Variants in HTT observed in about 807,000 individuals in gnomAD.
HTT encodes the protein huntingtin.
Under a neutral mutation model 362.3 loss-of-function variants are expected in HTT, and 104 were observed. That is an observed-to-expected ratio of 0.29 (90% CI 0.24 to 0.34). The LOEUF (loss-of-function observed/expected upper bound fraction) is 0.34. Ranked by LOEUF, HTT falls within the 10% of genes least tolerant of loss-of-function variation. HTT has a pLI of 1.00. For missense variants in HTT, 3,301 were observed against 3,928.6 expected (o/e 0.84, Z 4.27); for synonymous variants, 1,577 against 1,548.7 (o/e 1.02, Z -0.43).
chr4:3,119,474 G>T (rs1038928704), intron 8 of HTT, among the ~76,000 whole-genome samples: 7 of 152,092 alleles, frequency 4.6e-5, no homozygotes, highest in Non-Finnish European at 1.0e-4. Context: ...CTGAGTCTAG[G>T]TTATTGTGAC....
At chr4:3,129,559 T>C (rs1305776271) in intron 12 of HTT, 5 of 202,454 alleles carry the variant, frequency 2.5e-5, no homozygotes, top group Admixed American at 5.3e-5. Flanking sequence ...TAACCTGTTA[T>C]ATTGTTAGGT....
rs1346669777 is a variant in HTT at position 3,223,436 on chromosome 4, C to T, written c.7501C>T (p.Leu2501=). Residue 2501 remains leucine, a synonymous_variant, in exon 55 of 67, where the codon CTG becomes TTG. Transcript: ENST00000355072. ...EDTERTQINV[L]AVQAITSLVL... is the part of the protein sequence containing the mutation. Reference sequence around the variant, plus strand: ...CACAGAGAGGACCCAGATCAACGTCCTGGCCGTGCAGGCCATCACCTCACT... The same window carrying T: ...CACAGAGAGGACCCAGATCAACGTCTTGGCCGTGCAGGCCATCACCTCACT... 1.2e-6 allele frequency: 2 copies of T among 1,606,072 alleles called. No individual in the cohort carries two copies. Among genetic ancestry groups the T allele is most frequent in the African/African-American group, 1.3e-5 (1 of 74,828 alleles).
chr4:3,164,444 G>T (rs184691610), intron 29 of HTT, among the ~76,000 whole-genome samples: 1 of 152,148 alleles, frequency 6.6e-6, no homozygotes, highest in Non-Finnish European at 1.5e-5. Flanking sequence ...TATTAGGTCC[G>T]CTTGGTCCAG....
At chr4:3,096,674 C>G (rs1713872922) in intron 2 of HTT, among the ~76,000 whole-genome samples, 1 of 152,144 alleles carries the variant, frequency 6.6e-6, no homozygotes, top group Non-Finnish European at 1.5e-5. Context: ...GATATAAAAA[C>G]AATAGATTTC....
chr4:3,092,057 T>C (rs1713536484), intron 2 of HTT, among the ~76,000 whole-genome samples: 1 of 152,226 alleles, frequency 6.6e-6, no homozygotes, highest in African/African-American at 2.4e-5. Context: ...AGTCTTGCAC[T>C]GTCCGCCTGG....
intron 61 of HTT, among the ~76,000 whole-genome samples, chr4:3,234,187 C>A (rs557732465): frequency 1.3e-5 from 2 of 152,340 alleles, no homozygotes; most frequent in South Asian, 2.1e-4. Flanking sequence ...ACAGTTCAGA[C>A]AGGAGGGAGG....
rs988258227 is a variant in HTT at position 3,243,366 on chromosome 4, A to C, written c.*3307A>C. The C allele has an allele frequency of 9.8e-5, 15 of 152,534 alleles. No individual in the cohort carries two copies. Among genetic ancestry groups the C allele is most frequent in the African/African-American group, 3.6e-4 (15 of 41,440 alleles). 9.4% of individuals were successfully genotyped at this position (152,534 alleles called of 1,614,324 possible). A position where few individuals can be genotyped will look rare whatever the true frequency, so the allele number is the denominator to read the frequency against. ...CGGGACCACAGCTGCTGGCCAGGGT[A>C]GACTTGGAGCTGTCCTCCAGAGGGG... On this transcript the variant is annotated 3_prime_UTR_variant, in exon 67 of 67. Transcript: ENST00000355072.
intron 26 of HTT, among the ~76,000 whole-genome samples, chr4:3,151,364 G>C (rs749053178): frequency 7.2e-5 from 11 of 151,894 alleles, no homozygotes; most frequent in Non-Finnish European, 1.0e-4. Context: ...GAGAGAGAGA[G>C]AGACAGAGAG....
chr4:3,104,242 G>A (rs991123898), intron 4 of HTT, among the ~76,000 whole-genome samples: 1 of 151,816 alleles, frequency 6.6e-6, no homozygotes, highest in Non-Finnish European at 1.5e-5. Context: ...CAGGTGATCC[G>A]CCCGCCTCGG....
chr4:3,076,865 A>G (rs1020785088), intron 1 of HTT, among the ~76,000 whole-genome samples: 1 of 152,232 alleles, frequency 6.6e-6, no homozygotes, highest in Non-Finnish European at 1.5e-5. Context: ...TTAAGGTAAT[A>G]TATGATTACC....
rs1716621856 is a variant in HTT, at chr4:3,146,721, G to C, written c.3144-76G>C. ...TGTATTGTGACATGCCTTCCTCTTG[G>C]AATTGCAAGAGAAAGGAAGACTGTT... is the stretch of plus-strand genomic sequence containing the variant. On this transcript the variant is annotated intron_variant, in intron 24 of 66. Coordinates refer to ENST00000355072, the MANE Select transcript of HTT (RefSeq NM_001388492.1). The C allele has an allele frequency of 9.8e-6, 13 of 1,328,956 alleles. No homozygotes were observed. The South Asian group carries it at 1.4e-4, about 15-fold the overall frequency. 82.3% of individuals were successfully genotyped at this position (1,328,956 alleles called of 1,614,324 possible). A position where few individuals can be genotyped will look rare whatever the true frequency, so the allele number is the denominator to read the frequency against.
Position 3,172,861 on chromosome 4 carries a change from A to G in HTT, c.3943-47A>G, listed in dbSNP as rs1288758952. ...GATATTTGTGTGGGAGATTCTTAAAAGTGTTGTTCACGCCACATTGTTGAT... is the reference window on the plus strand; with the variant it reads ...GATATTTGTGTGGGAGATTCTTAAAGGTGTTGTTCACGCCACATTGTTGAT... On this transcript the variant is annotated intron_variant, in intron 30 of 66. Transcript: ENST00000355072. 3.2e-6 allele frequency: 4 copies of G among 1,264,430 alleles called. No individual in the cohort carries two copies. In the East Asian group the frequency reaches 9.3e-5, roughly 29 times the overall value. 78.3% of individuals were successfully genotyped at this position (1,264,430 alleles called of 1,614,324 possible).
At chr4:3,076,048 C>T (rs1296136159) in intron 1 of HTT, among the ~76,000 whole-genome samples, 1 of 152,072 alleles carries the variant, frequency 6.6e-6, no homozygotes, top group Non-Finnish European at 1.5e-5. Flanking sequence ...TGCCAGAATA[C>T]GGGGGGTCCG....
At position 3,207,272 on chromosome 4, in the gene HTT, G is replaced by T. The variant is rs778589627; in HGVS notation, c.6076-9G>T. ...GTTACAAACACACTAATGTGTTTTT[G>T]TCTATTAGAGCAGCATGGCCCAGTT... On this transcript the variant is annotated splice_polypyrimidine_tract_variant and intron_variant, in intron 44 of 66. Coordinates refer to ENST00000355072, the MANE Select transcript of HTT (RefSeq NM_001388492.1). The T allele has an allele frequency of 4.2e-5, 68 of 1,612,710 alleles. No individual in the cohort carries two copies. The highest frequency in any genetic ancestry group is 5.5e-5 in the Non-Finnish European group (65 of 1,179,100).
intron 23 of HTT, among the ~76,000 whole-genome samples, chr4:3,143,881 G>T (rs963485731): frequency 6.6e-6 from 1 of 152,118 alleles, no homozygotes; most frequent in Non-Finnish European, 1.5e-5. Flanking sequence ...GGGATTACAG[G>T]TGTGAGCCAC....
chr4:3,238,730 G>GGGCCCCCCCCCCC, intron 65 of HTT, 88 bp from the exon 66 acceptor site: 17 of 1,096,986 alleles, frequency 1.5e-5, no homozygotes, highest in East Asian at 2.5e-5. Context: ...AATGCCTCTG[G>GGGCCCCCCCCCCC]CCCCCACCCC....
intron 40 of HTT, among the ~76,000 whole-genome samples, chr4:3,194,604 C>A (rs1435703454): frequency 6.6e-6 from 1 of 152,186 alleles, no homozygotes; most frequent in Non-Finnish European, 1.5e-5. Context: ...CCAGACTATA[C>A]CCAGTCAGGG....
At position 3,187,744 on chromosome 4, in the gene HTT, C is replaced by T. The variant is rs534626654; in HGVS notation, c.5083C>T (p.Arg1695Cys). Residue 1695 changes from arginine to cysteine, a missense_variant, in exon 39 of 67, where the codon CGT becomes TGT. Arg to Cys is a radical substitution (Grantham distance 180). Around this residue, in one of 4 missense-constraint regions of HTT, gnomAD observed 2,316 missense variants for 2,658.5 expected, o/e 0.87. Coordinates refer to ENST00000355072, the MANE Select transcript of HTT (RefSeq NM_001388492.1). ...SQSTEDIVLS[R>C]IQELSFSPYL... is the part of the protein sequence containing the mutation. ...GTCAACTGAAGATATTGTTCTTTCT[C>T]GTATTCAGGAGCTCTCCTTCTCTCC... 9 of 1,613,898 alleles carry T rather than the reference C, an allele frequency of 5.6e-6. No individual in the cohort carries two copies. The highest frequency in any genetic ancestry group is 1.1e-5 in the South Asian group (1 of 91,082).
chr4:3,231,647 C>T (rs1157116997), intron 60 of HTT, among the ~76,000 whole-genome samples: 5 of 133,596 alleles, frequency 3.7e-5, no homozygotes, highest in South Asian at 4.4e-4. Context: ...ACTCAGCAGC[C>T]GTCCAGGGAG....
Sources: gnomAD v4.1 joint callset for allele counts (sites outside exome capture counted in the v4.1 genomes callset) on GRCh38, gnomAD v4.1.1 for gene constraint, gnomAD v4.1.1 regional missense constraint, MANE v1.5 for transcripts, NCBI Gene and HGNC (gene_info 2026-07-23, HGNC 2026-07-21) for gene names.